The following HEPN1 variants were observed in gnomAD, a reference collection of about 807,000 sequenced individuals.
HEPN1 encodes hepatocellular carcinoma, down-regulated 1, also known as protein HEPN1.
For missense variants in HEPN1, 97 were observed against 103.3 expected, an observed-to-expected ratio of 0.94 and a Z score of 0.26; for synonymous variants, 46 against 41.2, an observed-to-expected ratio of 1.12 and a Z score of -0.45.
At position 124,920,557 on chromosome 11, in the gene HEPN1, C is replaced by T. The variant is rs920324091; in HGVS notation, c.*540C>T. ...GGTACCAGGTGCCCAGGGAAGAAGG[C>T]CTTCACAATGATCCCCCCAGCTCAG... On this transcript the variant is annotated 3_prime_UTR_variant, in exon 1 of 1. Coordinates refer to ENST00000408930, the Ensembl canonical transcript of HEPN1. 6 of 1,356,928 alleles carry T rather than the reference C, an allele frequency of 4.4e-6. No homozygotes were observed. The East Asian group carries it at 1.3e-4, about 30-fold the overall frequency. 84.1% of individuals were successfully genotyped at this position (1,356,928 alleles called of 1,614,324 possible). A position where few individuals can be genotyped will look rare whatever the true frequency, so the allele number is the denominator to read the frequency against.
chr11:124,919,820 G>C lies in HEPN1; in HGVS notation c.70G>C (p.Gly24Arg), dbSNP rs200402085. 2.5e-6 allele frequency: 4 copies of C among 1,614,162 alleles called. No homozygotes were observed. In the East Asian group the frequency reaches 8.9e-5, roughly 36 times the overall value. The change falls in exon 1 of 1, where the codon GGG becomes CGG. Residue 24 changes from glycine (G) to arginine (R), a missense_variant. Coordinates refer to ENST00000408930, the Ensembl canonical transcript of HEPN1. ...ATCAGAGCTGGAGTTTAGGAGACTA[G>C]GGATGCAAGGACCCTTGGAGGCATT... is the stretch of plus-strand genomic sequence containing the variant.
rs147900653 is a variant in HEPN1, at chr11:124,920,056, G to A, written c.*39G>A. 2.5e-6 allele frequency: 4 copies of A among 1,593,428 alleles called. No individual in the cohort carries two copies. The African/African-American group carries it at 5.4e-5, about 21-fold the overall frequency. Reference sequence around the variant, plus strand: ...CCTTTTTCTGTGCCCTGGGACCTGAGCATGTGGGAGCAGGGCAGATGGGTG... The same window carrying A: ...CCTTTTTCTGTGCCCTGGGACCTGAACATGTGGGAGCAGGGCAGATGGGTG... On this transcript the variant is annotated 3_prime_UTR_variant, in exon 1 of 1. Transcript: ENST00000408930.
At chr11:124,919,690 G>A (rs954043970) in exon 1 of HEPN1, 9 of 1,580,810 alleles carry the variant, frequency 5.7e-6, no homozygotes, top group Non-Finnish European at 7.7e-6. Flanking sequence ...GGGCAGAGGG[G>A]GCAAACTAGA....
At chr11:124,919,841 G>A in exon 1 of HEPN1, 3 of 1,614,154 alleles carry the variant, frequency 1.9e-6, no homozygotes, top group South Asian at 1.1e-5. Flanking sequence ...ACCCTTGGAG[G>A]CATTAAGGAG....
exon 1 of HEPN1, chr11:124,920,094 G>C: frequency 6.7e-7 from 1 of 1,493,918 alleles, no homozygotes; most frequent in Non-Finnish European, 9.1e-7. Context: ...AGGAGGCCAG[G>C]GGTTGGATCA....
At chr11:124,919,824 T>C (rs1203325299) in exon 1 of HEPN1, 1 of 1,614,120 alleles carries the variant, frequency 6.2e-7, no homozygotes, top group South Asian at 1.1e-5. Context: ...AGACTAGGGA[T>C]GCAAGGACCC....
chr11:124,919,739 G>A lies in HEPN1; in HGVS notation c.-12G>A, dbSNP rs778846572. ...TTGGGGCTGAGACAAAACTTGACCT[G>A]GTGTGGAGGTGATGGGTAACTGGGG... On this transcript the variant is annotated 5_prime_UTR_variant, in exon 1 of 1. An upstream open reading frame in the 5' UTR gains an earlier in-frame stop. Transcript: ENST00000408930. 1.9e-6 allele frequency: 3 copies of A among 1,612,752 alleles called. No individual in the cohort carries two copies. In the African/African-American group the frequency reaches 4.0e-5, roughly 22 times the overall value.
At chr11:124,920,412 G>C (rs1290744747) in exon 1 of HEPN1, 5 of 1,548,368 alleles carry the variant, frequency 3.2e-6, no homozygotes, top group Non-Finnish European at 4.4e-6. Context: ...GCATGCCTCC[G>C]AGGGAGGCTG....
At chr11:124,919,674 G>A in exon 1 of HEPN1, 1 of 1,509,098 alleles carries the variant, frequency 6.6e-7, no homozygotes, top group Admixed American at 1.8e-5. Flanking sequence ...CATGCTGTGG[G>A]GTTCAGGGCA....
exon 1 of HEPN1, chr11:124,919,930 C>T (rs764875323): frequency 6.8e-6 from 11 of 1,613,912 alleles, no homozygotes; most frequent in African/African-American, 1.3e-5. Flanking sequence ...TAGATTACTG[C>T]CACTCCTATG....
At chr11:124,919,719 G>A (rs1947097262) in exon 1 of HEPN1, 1 of 1,608,536 alleles carries the variant, frequency 6.2e-7, no homozygotes, top group Non-Finnish European at 8.5e-7. Flanking sequence ...TGCCTTTGGG[G>A]CTGAGACAAA....
At chr11:124,919,942 A>C (rs202007726) in exon 1 of HEPN1, 1 of 1,613,956 alleles carries the variant, frequency 6.2e-7, no homozygotes, top group Admixed American at 1.7e-5. Context: ...ACTCCTATGA[A>C]CTGTTCAATA....
chr11:124,919,598 A>C (rs1947095526), exon 1 of HEPN1: 3 of 769,466 alleles, frequency 3.9e-6, no homozygotes, highest in African/African-American at 3.5e-5. Flanking sequence ...AGTTTAGGGG[A>C]GCTGCGAAGG....
At chr11:124,919,793 G>T in the HEPN1 span, 1 of 1,614,124 alleles carries the variant, frequency 6.2e-7, no homozygotes, top group Non-Finnish European at 8.5e-7. Context: ...GGTTGATGGC[G>T]AATCAGAGCT....
exon 1 of HEPN1, chr11:124,920,032 C>T (rs1019621753): frequency 1.2e-6 from 2 of 1,607,390 alleles, no homozygotes; most frequent in Non-Finnish European, 1.7e-6. Flanking sequence ...GGAGTCTGCC[C>T]TTTTTCTGTG....
chr11:124,919,988 C>T (rs769071861), exon 1 of HEPN1: 2 of 1,613,328 alleles, frequency 1.2e-6, no homozygotes, highest in Non-Finnish European at 1.7e-6. Flanking sequence ...TACACAGCGG[C>T]CCAGCCTCTT....
exon 1 of HEPN1, chr11:124,919,690 G>T (rs954043970): frequency 1.3e-6 from 2 of 1,580,928 alleles, no homozygotes; most frequent in Non-Finnish European, 1.7e-6. Context: ...GGGCAGAGGG[G>T]GCAAACTAGA....
exon 1 of HEPN1, chr11:124,919,697 T>C: frequency 6.3e-7 from 1 of 1,592,976 alleles, no homozygotes; most frequent in Middle Eastern, 2.1e-4. Context: ...GGGGGCAAAC[T>C]AGAAATGTCA....
At chr11:124,919,969 T>C (rs1947103648) in exon 1 of HEPN1, 2 of 1,613,722 alleles carry the variant, frequency 1.2e-6, no homozygotes, top group Non-Finnish European at 1.7e-6. Context: ...GGCATGGGCA[T>C]GTCCTGGCTA....
Sources: gnomAD v4.1 joint callset for allele counts on GRCh38, gnomAD v4.1.1 for gene constraint, MANE v1.5 for transcripts, NCBI Gene and HGNC (gene_info 2026-07-23, HGNC 2026-07-21) for gene names.